The following TSHZ1 variants were observed in gnomAD, a reference collection of about 807,000 sequenced individuals.
TSHZ1 encodes the protein teashirt zinc finger homeobox 1, also known as teashirt homolog 1.
A neutral mutation model predicts 67.1 loss-of-function variants in TSHZ1; 12 were observed. The observed-to-expected ratio is 0.18, with a 90% confidence interval of 0.11 to 0.29. The LOEUF (loss-of-function observed/expected upper bound fraction) is 0.29, where lower values mean the gene tolerates loss of function less well. Ranked by LOEUF, TSHZ1 falls within the 10% of genes least tolerant of loss-of-function variation. TSHZ1 has a pLI of 1.00. For missense variants in TSHZ1, 1,305 were observed against 1,413.9 expected, an observed-to-expected ratio of 0.92 and a Z score of 1.23; for synonymous variants, 632 against 622.4, an observed-to-expected ratio of 1.02 and a Z score of -0.23.
At chr18:75,255,533 C>CTG (rs777147805) in intron 1 of TSHZ1, among the ~76,000 whole-genome samples, 7 of 97,258 alleles carry the variant, frequency 7.2e-5, no homozygotes, top group Non-Finnish European at 1.4e-4. Flanking sequence ...AAAACTGTAA[C>CTG]TCTTTGATTT....
At chr18:75,223,835 C>T (rs1222294047) in intron 1 of TSHZ1, among the ~76,000 whole-genome samples, 19 of 152,124 alleles carry the variant, frequency 1.2e-4, no homozygotes, top group African/African-American at 4.6e-4. Context: ...TGACTAAACA[C>T]ACCCCCTTTA....
intron 1 of TSHZ1, among the ~76,000 whole-genome samples, chr18:75,238,372 A>G (rs1390956105): frequency 2.6e-5 from 4 of 152,214 alleles, no homozygotes; most frequent in Non-Finnish European, 5.9e-5. Context: ...CAGCTCCTGT[A>G]GCCACCTGTG....
chr18:75,229,639 A>T, intron 1 of TSHZ1, among the ~76,000 whole-genome samples: 1 of 152,194 alleles, frequency 6.6e-6, no homozygotes, highest in East Asian at 1.9e-4. Context: ...AGGACAGGTG[A>T]GTGTGACAGT....
intron 1 of TSHZ1, among the ~76,000 whole-genome samples, chr18:75,231,119 G>A (rs2022993313): frequency 6.6e-6 from 1 of 152,212 alleles, no homozygotes; most frequent in South Asian, 2.1e-4. Flanking sequence ...TGGAGGGTGG[G>A]AACTGTGCGT....
chr18:75,283,588 C>T (rs1204973307), intron 1 of TSHZ1: 1 of 152,212 alleles, frequency 6.6e-6, no homozygotes, highest in African/African-American at 2.4e-5. Flanking sequence ...CCACATACCT[C>T]CATGAAATGC....
chr18:75,273,729 T>C (rs2023583651), intron 1 of TSHZ1, among the ~76,000 whole-genome samples: 1 of 152,238 alleles, frequency 6.6e-6, no homozygotes, highest in African/African-American at 2.4e-5. Context: ...CAGAATTTCA[T>C]GTTGCTCAGG....
At chr18:75,222,649 A>C (rs1173840952) in intron 1 of TSHZ1, among the ~76,000 whole-genome samples, 2 of 152,108 alleles carry the variant, frequency 1.3e-5, no homozygotes, top group East Asian at 3.9e-4. Context: ...GGCTTATTCT[A>C]AATTATGCAA....
chr18:75,213,944 A>G (rs2022732886), intron 1 of TSHZ1, among the ~76,000 whole-genome samples: 1 of 152,238 alleles, frequency 6.6e-6, no homozygotes, highest in Non-Finnish European at 1.5e-5. Context: ...ACCCTAAAAA[A>G]TGGAGCCAAA....
chr18:75,260,712 G>A (rs1214873057), intron 1 of TSHZ1, among the ~76,000 whole-genome samples: 5 of 152,244 alleles, frequency 3.3e-5, no homozygotes, highest in African/African-American at 2.4e-5. Flanking sequence ...GAGTTTCCTG[G>A]ATGCTCCTCA....
At chr18:75,232,156 A>G (rs989778743) in intron 1 of TSHZ1, among the ~76,000 whole-genome samples, 3 of 151,722 alleles carry the variant, frequency 2.0e-5, no homozygotes, top group African/African-American at 7.3e-5. Flanking sequence ...TGGGCGATCC[A>G]CCTGCCTCAG....
At chr18:75,251,848 T>TGTTA (rs1249436987) in intron 1 of TSHZ1, among the ~76,000 whole-genome samples, 1 of 152,228 alleles carries the variant, frequency 6.6e-6, no homozygotes, top group African/African-American at 2.4e-5. Flanking sequence ...GGAATAAAGG[T>TGTTA]GTTAACTCAT....
rs1391473212 is a variant in TSHZ1 at position 75,288,055 on chromosome 18, A to C, written c.2648A>C (p.His883Pro). The C allele has an allele frequency of 6.2e-7, 1 of 1,613,932 alleles. No homozygotes were observed. The highest frequency in any genetic ancestry group is 8.5e-7 in the Non-Finnish European group (1 of 1,180,036). The stretch of plus-strand genomic sequence containing the variant: ...GCGTTGGACGAGCTGTCACCGGTCC[A>C]CAAGAGGAAGGGCCGGCAGTCCAAC... ...EEALDELSPV[H>P]KRKGRQSNWN... The change falls in exon 2 of 2, where the codon CAC becomes CCC. Residue 883 changes from histidine (H) to proline (P), a missense_variant. By Grantham distance (77) the His-to-Pro change is moderately conservative. This residue lies in a region of TSHZ1 where 909 missense variants were observed against 961.8 expected (regional missense o/e 0.95). Coordinates refer to ENST00000580243, the MANE Select transcript of TSHZ1 (RefSeq NM_001308210.2). The surrounding 1 kb of genome is among the most constrained non-coding windows in gnomAD (Gnocchi z 4.9).
chr18:75,280,466 T>G (rs954269659), intron 1 of TSHZ1, among the ~76,000 whole-genome samples: 3 of 152,232 alleles, frequency 2.0e-5, no homozygotes, highest in Non-Finnish European at 4.4e-5. Flanking sequence ...ATTCATTCAT[T>G]CAAAAACATT....
chr18:75,211,825 G>GT lies in TSHZ1; in HGVS notation c.-52_-51insT, dbSNP rs2022695795. 2 of 1,094,610 alleles carry GT rather than the reference G, an allele frequency of 1.8e-6. No individual in the cohort carries two copies. Among genetic ancestry groups the GT allele is most frequent in the African/African-American group, 1.7e-5 (1 of 59,394 alleles). The allele number at this position is 1,094,610 out of a possible 1,614,324, so 67.8% of individuals were successfully genotyped here. A position where few individuals can be genotyped will look rare whatever the true frequency, so the allele number is the denominator to read the frequency against. On this transcript the variant is annotated 5_prime_UTR_variant, in exon 1 of 2. The change abolishes the stop of an existing upstream ORF in the 5' untranslated region. Transcript: ENST00000580243. ...CGCGCCCGGGGCCCCGCGTCCCCGC[G>GT]CCCCGCGAACTCCGGCGGCGGCTGA...
chr18:75,287,553 A>C lies in TSHZ1; in HGVS notation c.2146A>C (p.Thr716Pro). 1 of 1,614,238 alleles carries C rather than the reference A, an allele frequency of 6.2e-7. No homozygotes were observed. Among genetic ancestry groups the C allele is most frequent in the East Asian group, 2.2e-5 (1 of 44,884 alleles). Residue 716 changes from threonine to proline, a missense_variant, in exon 2 of 2, where the codon ACA (threonine) becomes CCA (proline). By Grantham distance (38) the Thr-to-Pro change is conservative. Transcript: ENST00000580243. The surrounding 1 kb of genome is among the most constrained non-coding windows in gnomAD (Gnocchi z 5.0). ...GPLDVHTPNGTEPLKAKVTNG... is the reference protein window; with the variant it reads ...GPLDVHTPNGPEPLKAKVTNG... Reference sequence around the variant, plus strand: ...GCTGGACGTTCACACCCCAAATGGCACAGAGCCTCTCAAAGCAAAGGTCAC... The same window carrying C: ...GCTGGACGTTCACACCCCAAATGGCCCAGAGCCTCTCAAAGCAAAGGTCAC...
chr18:75,233,034 G>GTA (rs1197713150), intron 1 of TSHZ1, among the ~76,000 whole-genome samples: 2 of 152,208 alleles, frequency 1.3e-5, no homozygotes, highest in Non-Finnish European at 2.9e-5. Context: ...CCCTATTTCT[G>GTA]TAGGGCTGGT....
chr18:75,221,484 G>A (rs1040666056), intron 1 of TSHZ1, among the ~76,000 whole-genome samples: 7 of 152,164 alleles, frequency 4.6e-5, no homozygotes, highest in African/African-American at 1.4e-4. Context: ...GAAATGGTAC[G>A]ACATACCAAT....
intron 1 of TSHZ1, among the ~76,000 whole-genome samples, chr18:75,247,516 TCTTA>T (rs1568359567): frequency 6.6e-6 from 1 of 152,230 alleles, no homozygotes; most frequent in East Asian, 1.9e-4. Flanking sequence ...CCTTAAGTTA[TCTTA>T]CTTTGAAAAG....
chr18:75,263,729 T>G (rs2023457054), intron 1 of TSHZ1, among the ~76,000 whole-genome samples: 1 of 152,216 alleles, frequency 6.6e-6, no homozygotes, highest in East Asian at 1.9e-4. Flanking sequence ...TTGAGCTGAT[T>G]TACATATGGA....
Sources: gnomAD v4.1 joint callset for allele counts (sites outside exome capture counted in the v4.1 genomes callset) on GRCh38, gnomAD v4.1.1 for gene constraint, gnomAD v4.1.1 regional missense constraint, Gnocchi (gnomAD v3.1) non-coding constraint, MANE v1.5 for transcripts, NCBI Gene and HGNC (gene_info 2026-07-23, HGNC 2026-07-21) for gene names.